The following LRRTM4 variants were observed in gnomAD, a reference collection of about 807,000 sequenced individuals.
LRRTM4 encodes the protein leucine-rich repeat transmembrane neuronal protein 4.
LRRTM4 carries 25 observed loss-of-function variants against 47.6 expected under a neutral mutation model. The observed-to-expected ratio is 0.53, with a 90% confidence interval of 0.38 to 0.73. LRRTM4 has a LOEUF of 0.73. Ranked by LOEUF, LRRTM4 falls within the 30% of genes least tolerant of loss-of-function variation. LRRTM4 has a pLI of 0.00. For missense variants in LRRTM4, 638 were observed against 713.4 expected, an observed-to-expected ratio of 0.89 and a Z score of 1.20; for synonymous variants, 311 against 269.5, an observed-to-expected ratio of 1.15 and a Z score of -1.51.
chr2:77,127,166 T>A (rs1425798611), intron 3 of LRRTM4, among the ~76,000 whole-genome samples: 1 of 152,214 alleles, frequency 6.6e-6, no homozygotes, highest in Non-Finnish European at 1.5e-5. Context: ...TGTCACTTAC[T>A]CAAATGTCTG....
chr2:77,435,999 A>G (rs111532006), intron 3 of LRRTM4, among the ~76,000 whole-genome samples: 2 of 152,290 alleles, frequency 1.3e-5, no homozygotes, highest in African/African-American at 4.8e-5. Flanking sequence ...ATTCATTTAT[A>G]TCATTCACAT....
chr2:76,910,564 T>C (rs1674017776), intron 3 of LRRTM4, among the ~76,000 whole-genome samples: 1 of 152,240 alleles, frequency 6.6e-6, no homozygotes. Context: ...TTTCTCATTA[T>C]GTCAGGGATT....
At chr2:77,153,163 A>G (rs545450754) in intron 3 of LRRTM4, among the ~76,000 whole-genome samples, 3 of 152,312 alleles carry the variant, frequency 2.0e-5, no homozygotes, top group South Asian at 4.1e-4. Context: ...ATGCTCACAT[A>G]GGACCTCTTC....
chr2:77,026,466 C>T (rs528727943), intron 3 of LRRTM4, among the ~76,000 whole-genome samples: 66 of 151,930 alleles, frequency 4.3e-4, no homozygotes, highest in Middle Eastern at 6.8e-3. Context: ...TATGCACTAA[C>T]AAAAAAATCT....
At position 77,163,695 on chromosome 2, in the gene LRRTM4, T is replaced by C. The variant is rs1037943618; in HGVS notation, c.1551+354623A>G. Among the ~76,000 whole-genome samples, 3 of 152,204 alleles carry C rather than the reference T, an allele frequency of 2.0e-5. No homozygotes were observed. The South Asian group carries it at 6.2e-4, about 32-fold the overall frequency. ...AAAGAATTTTCAACCCAGAATTTCA[T>C]ATCGAGCCAAACTAAGCTTCATAAG... On this transcript the variant is annotated intron_variant, in intron 3 of 3. Transcript: ENST00000409884.
chr2:77,008,803 C>G (rs1677756201), intron 3 of LRRTM4, among the ~76,000 whole-genome samples: 1 of 152,042 alleles, frequency 6.6e-6, no homozygotes, highest in Admixed American at 6.6e-5. Context: ...TGACGAGGCG[C>G]CGGCAATGCC....
intron 3 of LRRTM4, among the ~76,000 whole-genome samples, chr2:77,510,287 T>C (rs1413389355): frequency 6.6e-6 from 1 of 152,106 alleles, no homozygotes; most frequent in East Asian, 1.9e-4. Context: ...ACCTCAAATA[T>C]TTAGATCTTC....
chr2:76,912,937 C>G (rs1004052870), intron 3 of LRRTM4, among the ~76,000 whole-genome samples: 2 of 152,158 alleles, frequency 1.3e-5, no homozygotes, highest in African/African-American at 4.8e-5. Flanking sequence ...GCCTGCAGAA[C>G]TATCAGCCAA....
intron 3 of LRRTM4, among the ~76,000 whole-genome samples, chr2:77,058,413 G>C (rs1265895138): frequency 1.3e-5 from 2 of 152,076 alleles, no homozygotes; most frequent in African/African-American, 4.8e-5. Context: ...GAGGGCAGCT[G>C]TTACATAGTC....
intron 3 of LRRTM4, among the ~76,000 whole-genome samples, chr2:76,823,796 A>G (rs1315719019): frequency 6.6e-6 from 1 of 151,574 alleles, no homozygotes; most frequent in Admixed American, 6.6e-5. Context: ...AGCAGAGAAA[A>G]TGTTGGAGAA....
chr2:77,420,806 A>AAT (rs1289807810), intron 3 of LRRTM4, among the ~76,000 whole-genome samples: 1 of 146,462 alleles, frequency 6.8e-6, no homozygotes, highest in Non-Finnish European at 1.5e-5. Flanking sequence ...ATACATATAT[A>AAT]ATATATAATA....
intron 3 of LRRTM4, among the ~76,000 whole-genome samples, chr2:77,152,021 A>C (rs1031542171): frequency 1.3e-5 from 2 of 152,170 alleles, no homozygotes; most frequent in African/African-American, 4.8e-5. Context: ...AGCACAAAAA[A>C]CTGCAAAGAA....
intron 3 of LRRTM4, among the ~76,000 whole-genome samples, chr2:77,069,724 G>T (rs1357916631): frequency 1.4e-5 from 2 of 147,418 alleles, no homozygotes; most frequent in African/African-American, 2.5e-5. Flanking sequence ...GCCTTCTAAA[G>T]TCTTTCTTGA....
At chr2:76,843,419 C>G (rs559682001) in intron 3 of LRRTM4, among the ~76,000 whole-genome samples, 1 of 152,144 alleles carries the variant, frequency 6.6e-6, no homozygotes, top group Admixed American at 6.5e-5. Flanking sequence ...TAATTTAATT[C>G]TCACAAGTAT....
intron 3 of LRRTM4, among the ~76,000 whole-genome samples, chr2:77,240,567 T>C (rs1210868302): frequency 6.6e-6 from 1 of 151,940 alleles, no homozygotes; most frequent in East Asian, 1.9e-4. Context: ...ATACTTGAAG[T>C]TCTTTCCAGC....
At chr2:76,860,009 T>A (rs1672264804) in intron 3 of LRRTM4, among the ~76,000 whole-genome samples, 1 of 152,170 alleles carries the variant, frequency 6.6e-6, no homozygotes, top group South Asian at 2.1e-4. Context: ...TTATGGGATA[T>A]CACTTACCAT....
chr2:77,307,648 CTATATATTATAGAAATAT>C, intron 3 of LRRTM4, among the ~76,000 whole-genome samples: 1 of 42,290 alleles, frequency 2.4e-5, no homozygotes, highest in South Asian at 8.6e-4. Context: ...ATAGATATAT[CTATATATTATAGAAATAT>C]AAATATATAG....
intron 3 of LRRTM4, among the ~76,000 whole-genome samples, chr2:77,447,009 T>A (rs1676077992): frequency 1.4e-5 from 1 of 70,960 alleles, no homozygotes; most frequent in Non-Finnish European, 2.8e-5. Flanking sequence ...GTGGAGGCAG[T>A]AGAAAAATCT....
chr2:76,813,123 C>A (rs1049286732), intron 3 of LRRTM4, among the ~76,000 whole-genome samples: 1 of 151,956 alleles, frequency 6.6e-6, no homozygotes, highest in South Asian at 2.1e-4. Context: ...AAGATCACCC[C>A]ATTGCACTCT....
Sources: gnomAD v4.1 joint callset for allele counts (sites outside exome capture counted in the v4.1 genomes callset) on GRCh38, gnomAD v4.1.1 for gene constraint, MANE v1.5 for transcripts, NCBI Gene and HGNC (gene_info 2026-07-23, HGNC 2026-07-21) for gene names.